Variants in CRTC1 observed in about 807,000 individuals in gnomAD.
CRTC1 encodes CREB regulated transcription coactivator 1, also known as CREB-regulated transcription coactivator 1.
Under a neutral mutation model 66.1 loss-of-function variants are expected in CRTC1, and 18 were observed. The observed-to-expected ratio is 0.27, with a 90% CI of 0.19 to 0.40. The LOEUF (loss-of-function observed/expected upper bound fraction) is 0.40, where lower values mean the gene tolerates loss of function less well. CRTC1 is among the 10% of genes least tolerant of loss of function. CRTC1 has a pLI of 1.00. For synonymous variants in CRTC1, 416 were observed against 398.8 expected (o/e 1.04, Z -0.51); for missense variants, 669 against 887.9 (o/e 0.75, Z 3.13).
At chr19:18,695,854 G>C (rs1456795423) in intron 1 of CRTC1, among the ~76,000 whole-genome samples, 2 of 152,092 alleles carry the variant, frequency 1.3e-5, no homozygotes, top group Non-Finnish European at 2.9e-5. Context: ...GACAGAGTGA[G>C]ACTTCATCTC....
intron 6 of CRTC1, among the ~76,000 whole-genome samples, chr19:18,759,006 A>G (rs1253519331): frequency 6.6e-6 from 1 of 152,186 alleles, no homozygotes; most frequent in Non-Finnish European, 1.5e-5. Flanking sequence ...CTGCTGTGGT[A>G]CAGCGTTGGG....
chr19:18,738,530 A>G (rs970727294), intron 1 of CRTC1, among the ~76,000 whole-genome samples: 6 of 151,862 alleles, frequency 4.0e-5, no homozygotes, highest in African/African-American at 1.2e-4. Flanking sequence ...AGCCAGGCCC[A>G]GTGGCTCACT....
Position 18,726,303 on chromosome 19 carries a change from G to A in CRTC1, c.127-16607G>A, listed in dbSNP as rs116416113. Among the ~76,000 whole-genome samples, 435 of 152,300 alleles carry A rather than the reference G, an allele frequency of 2.9e-3. 5 individuals are homozygous for A. Among genetic ancestry groups the A allele is most frequent in the African/African-American group, 0.01 (423 of 41,572 alleles). On this transcript the variant is annotated intron_variant, in intron 1 of 13. Coordinates refer to ENST00000321949, the MANE Select transcript of CRTC1 (RefSeq NM_015321.3). ...AGCACCGCTGACGTGTGCCGGCCTC[G>A]CTTCACCCCTCGGTCCCCGGGGGAC...
In CRTC1 at chr19:18,775,683, A is replaced by G. The variant is rs1178754172; in HGVS notation, c.1555A>G (p.Ser519Gly). The G allele has an allele frequency of 2.5e-6, 4 of 1,611,242 alleles. No homozygotes were observed. The African/African-American group carries it at 5.3e-5, about 22-fold the overall frequency. ...GATGGAGAACGCCATCAGCTCCAGC[A>G]GCCTGTACAGCCCGGGCTCCACACT... ...NMMENAISSS[S>G]LYSPGSTLNY... The change falls in exon 13 of 14, where the codon AGC becomes GGC. Residue 519 changes from serine to glycine, a missense_variant. Ser to Gly is a moderately conservative substitution (Grantham distance 56). Around this residue, in one of 8 missense-constraint regions of CRTC1, gnomAD observed 79 missense variants for 100.1 expected, o/e 0.79. Coordinates refer to ENST00000321949, the MANE Select transcript of CRTC1 (RefSeq NM_015321.3).
chr19:18,769,126 G>A (rs1394069721), intron 10 of CRTC1, among the ~76,000 whole-genome samples: 11 of 152,336 alleles, frequency 7.2e-5, no homozygotes, highest in African/African-American at 2.4e-4. Flanking sequence ...AGAAGAGTAC[G>A]GCGTTCTCAG....
In CRTC1 at chr19:18,768,140, G is replaced by A. The variant is rs983456387; in HGVS notation, c.1012-345G>A. 6.6e-6 allele frequency among the ~76,000 whole-genome samples: 1 copy of A among 152,186 alleles called. No homozygotes were observed. The highest frequency in any genetic ancestry group is 1.5e-5 in the Non-Finnish European group (1 of 68,024). ...GAGGTTTCCCCGCAGCACCCACAGGGGCTGGGAGCTGGCTGCTCACTGAGC... is the reference window on the plus strand; with the variant it reads ...GAGGTTTCCCCGCAGCACCCACAGGAGCTGGGAGCTGGCTGCTCACTGAGC... On this transcript the variant is annotated intron_variant, in intron 9 of 13. Coordinates refer to ENST00000321949, the MANE Select transcript of CRTC1 (RefSeq NM_015321.3). The surrounding 1 kb of genome is among the most constrained non-coding windows in gnomAD (Gnocchi z 5.6).
At position 18,774,921 on chromosome 19, in the gene CRTC1, G is replaced by A. The variant is rs781604174; in HGVS notation, c.1447G>A (p.Val483Met). 24 of 1,610,814 alleles carry A rather than the reference G, an allele frequency of 1.5e-5. No homozygotes were observed. Among genetic ancestry groups the A allele is most frequent in the East Asian group, 2.2e-5 (1 of 44,896 alleles). Reference sequence around the variant, plus strand: ...GCAGCACACTTCCACCCTGGGCAGCGTGTTTGGGGACGCGTACTATGAGCA... The same window carrying A: ...GCAGCACACTTCCACCCTGGGCAGCATGTTTGGGGACGCGTACTATGAGCA... ...SPQHTSTLGSVFGDAYYEQQM... is the reference protein window; with the variant it reads ...SPQHTSTLGSMFGDAYYEQQM... Residue 483 changes from valine to methionine, a missense_variant, in exon 12 of 14, where the codon GTG (valine) becomes ATG (methionine). Physicochemically the swap from Val to Met is conservative, Grantham distance 21. This residue lies in a region of CRTC1 where 79 missense variants were observed against 100.1 expected (regional missense o/e 0.79). Coordinates refer to ENST00000321949, the MANE Select transcript of CRTC1 (RefSeq NM_015321.3).
chr19:18,767,265 C>T (rs2054757679), intron 9 of CRTC1, among the ~76,000 whole-genome samples: 1 of 151,836 alleles, frequency 6.6e-6, no homozygotes, highest in Non-Finnish European at 1.5e-5. Flanking sequence ...GTGGCGTGCT[C>T]TTGGCTCTCC....
At chr19:18,702,399 A>AT (rs1197180399) in intron 1 of CRTC1, among the ~76,000 whole-genome samples, 1 of 150,836 alleles carries the variant, frequency 6.6e-6, no homozygotes, top group African/African-American at 2.4e-5. Flanking sequence ...TTTAGTATAT[A>AT]TTTTTTGTAG....
rs1370485972 is a variant in CRTC1 at position 18,683,844 on chromosome 19, G to T, written c.126+16G>T. Reference sequence around the variant, plus strand: ...GGCCGCGCGGGTAAGGGGGCTGCCCGCGCCGACCCTTCAGGGCCGGCGGAG... The same window carrying T: ...GGCCGCGCGGGTAAGGGGGCTGCCCTCGCCGACCCTTCAGGGCCGGCGGAG... On this transcript the variant is annotated intron_variant, in intron 1 of 13. Transcript: ENST00000321949. 9 of 1,221,328 alleles carry T rather than the reference G, an allele frequency of 7.4e-6. No individual in the cohort carries two copies. Among genetic ancestry groups the T allele is most frequent in the Non-Finnish European group, 9.5e-6 (9 of 949,012 alleles). 75.7% of individuals were successfully genotyped at this position (1,221,328 alleles called of 1,614,324 possible).
intron 1 of CRTC1, among the ~76,000 whole-genome samples, chr19:18,701,737 CT>C (rs1328931589): frequency 6.6e-6 from 1 of 152,102 alleles, no homozygotes; most frequent in African/African-American, 2.4e-5. Context: ...TCCTGAGTAG[CT>C]GGGATTACAG....
At chr19:18,735,138 G>A (rs2145695120) in intron 1 of CRTC1, among the ~76,000 whole-genome samples, 1 of 152,328 alleles carries the variant, frequency 6.6e-6, no homozygotes, top group South Asian at 2.1e-4. Flanking sequence ...GGTCAGACAT[G>A]GGAAGTTCTA....
chr19:18,697,535 T>C (rs780407198), intron 1 of CRTC1, among the ~76,000 whole-genome samples: 8 of 152,302 alleles, frequency 5.3e-5, no homozygotes, highest in South Asian at 2.1e-4. Context: ...GTCTCCAACT[T>C]CTGACCTCAA....
intron 8 of CRTC1, 132 bp from the exon 9 acceptor site, chr19:18,765,272 T>C (rs1400472855): frequency 7.4e-7 from 1 of 1,348,852 alleles, no homozygotes; most frequent in South Asian, 1.8e-5. Flanking sequence ...GGTTTGGCAG[T>C]TGGGACATGT....
At chr19:18,744,262 C>A in intron 2 of CRTC1, 1 of 1,065,664 alleles carries the variant, frequency 9.4e-7, no homozygotes, top group South Asian at 1.6e-5. Flanking sequence ...GCGGCCGCCC[C>A]TGCGGCTCCC....
chr19:18,692,271 A>G (rs1264878559), intron 1 of CRTC1, among the ~76,000 whole-genome samples: 1 of 152,222 alleles, frequency 6.6e-6, no homozygotes, highest in Admixed American at 6.5e-5. Context: ...AAGCGGCTGC[A>G]GCCCTGTCCT....
chr19:18,690,576 G>A (rs568044218), intron 1 of CRTC1, among the ~76,000 whole-genome samples: 34 of 152,156 alleles, frequency 2.2e-4, no homozygotes, highest in Non-Finnish European at 4.7e-4. Context: ...CTGAGTGGTG[G>A]CCCCTAAAAA....
At chr19:18,734,863 G>T (rs1286547828) in intron 1 of CRTC1, among the ~76,000 whole-genome samples, 1 of 152,150 alleles carries the variant, frequency 6.6e-6, no homozygotes, top group African/African-American at 2.4e-5. Context: ...AGCCTCTCCT[G>T]TTCCCCTGGG....
rs751756096 is a variant in CRTC1 at position 18,777,198 on chromosome 19, C to T, written c.1721C>T (p.Ser574Phe). 6.4e-7 allele frequency: 1 copy of T among 1,557,080 alleles called. No homozygotes were observed. The highest frequency in any genetic ancestry group is 8.7e-7 in the Non-Finnish European group (1 of 1,147,420). Residue 574 changes from serine to phenylalanine, a missense_variant, in exon 14 of 14, where the codon TCT becomes TTT. By Grantham distance (155) the Ser-to-Phe change is radical. Coordinates refer to ENST00000321949, the MANE Select transcript of CRTC1 (RefSeq NM_015321.3). This position sits in a 1 kb window ranked among gnomAD's most constrained non-coding sequence, Gnocchi z 5.5. ...ACAGGAGAGTCCCCCCCCAGCCTCT[C>T]TAAAGAACTGACCAGCTCTCTGGCC... ...TVTGESPPSL[S>F]KELTSSLAGV...
Sources: gnomAD v4.1 joint callset for allele counts (sites outside exome capture counted in the v4.1 genomes callset) on GRCh38, gnomAD v4.1.1 for gene constraint, gnomAD v4.1.1 regional missense constraint, Gnocchi (gnomAD v3.1) non-coding constraint, MANE v1.5 for transcripts, NCBI Gene and HGNC (gene_info 2026-07-23, HGNC 2026-07-21) for gene names.